VWA8: variants seen among roughly 807,000 people sequenced by gnomAD.
VWA8 encodes von Willebrand factor A domain containing 8.
In VWA8, 221 loss-of-function variants were observed where a neutral mutation model predicts 241.5. That is an observed-to-expected ratio of 0.91 (90% CI 0.82 to 1.02). The LOEUF (loss-of-function observed/expected upper bound fraction) is 1.02, where lower values mean the gene tolerates loss of function less well. Ranked by LOEUF, VWA8 falls within the 50% of genes least tolerant of loss-of-function variation. The probability of loss-of-function intolerance (pLI) is 0.00; values close to 1 mark genes in which losing one functional copy is unlikely to be tolerated. For synonymous variants in VWA8, 852 were observed against 827.1 expected (o/e 1.03, Z -0.52); for missense variants, 2,322 against 2,328.7 (o/e 1.00, Z 0.06).
chr13:41,883,606 G>A (rs760755111), intron 8 of VWA8, 115 bp from the exon 9 acceptor site: 4 of 684,828 alleles, frequency 5.8e-6, no homozygotes, highest in Non-Finnish European at 9.8e-6. Context: ...ATAGGTGTCT[G>A]GTATTTTCTG....
At chr13:41,648,130 A>C (rs1257521240) in intron 37 of VWA8, among the ~76,000 whole-genome samples, 1 of 152,214 alleles carries the variant, frequency 6.6e-6, no homozygotes, top group Non-Finnish European at 1.5e-5. Flanking sequence ...AACACAATAG[A>C]AAAATGCCTT....
intron 20 of VWA8, among the ~76,000 whole-genome samples, chr13:41,761,721 T>G (rs1212552088): frequency 6.6e-6 from 1 of 152,122 alleles, no homozygotes; most frequent in African/African-American, 2.4e-5. Context: ...CTTGGAAACC[T>G]AAACTTAAAA....
intron 2 of VWA8, among the ~76,000 whole-genome samples, chr13:41,948,151 G>A (rs888834918): frequency 2.0e-5 from 3 of 152,014 alleles, no homozygotes; most frequent in African/African-American, 7.3e-5. Flanking sequence ...CTGATGAAAG[G>A]ATAAGCAAAA....
At chr13:41,931,686 T>C (rs1290669418) in intron 2 of VWA8, among the ~76,000 whole-genome samples, 4 of 151,708 alleles carry the variant, frequency 2.6e-5, no homozygotes, top group Admixed American at 1.3e-4. Context: ...TCATGTTATA[T>C]GTTACATATA....
intron 12 of VWA8, among the ~76,000 whole-genome samples, chr13:41,852,558 C>T (rs1187195383): frequency 6.6e-6 from 1 of 152,008 alleles, no homozygotes; most frequent in African/African-American, 2.4e-5. Flanking sequence ...AAGCTTTTCC[C>T]CCTTCTTTTC....
chr13:41,675,348 A>C (rs780538990), intron 35 of VWA8, 52 bp from the exon 36 acceptor site: 17 of 1,357,246 alleles, frequency 1.3e-5, no homozygotes, highest in Non-Finnish European at 1.8e-5. Context: ...CAAGATACCA[A>C]AATGGTGCTA....
At chr13:41,571,296 GTCTCCCTCTCCCTCCTCCC>G (rs1566370775) in intron 43 of VWA8, among the ~76,000 whole-genome samples, 51 of 137,650 alleles carry the variant, frequency 3.7e-4, no homozygotes, top group African/African-American at 1.3e-3. Context: ...TCCCTCTCCC[GTCTCCCTCTCCCTCCTCCC>G]TCTCCCTCTC....
chr13:41,778,000 T>A lies in VWA8; in HGVS notation c.2334A>T (p.Leu778Phe). Reference protein sequence around the residue: ...LKDFLLGEHLLLVGNQGVGKN... With the variant: ...LKDFLLGEHLFLVGNQGVGKN... Reference sequence around the variant, plus strand: ...CATAACTCACCTGGTTGCCAACCAATAATAAGTGTTCTCCAAGGAGAAAGT... The same window carrying A: ...CATAACTCACCTGGTTGCCAACCAAAAATAAGTGTTCTCCAAGGAGAAAGT... The change falls in exon 20 of 45, where the codon TTA becomes TTT. Residue 778 changes from leucine to phenylalanine, a missense_variant. Leu to Phe is a conservative substitution (Grantham distance 22, BLOSUM62 0). Coordinates refer to ENST00000379310, the MANE Select transcript of VWA8 (RefSeq NM_015058.2). The A allele has an allele frequency of 6.2e-7, 1 of 1,611,352 alleles. No homozygotes were observed. Among genetic ancestry groups the A allele is most frequent in the Non-Finnish European group, 8.5e-7 (1 of 1,179,188 alleles).
intron 44 of VWA8, among the ~76,000 whole-genome samples, chr13:41,569,775 TG>T (rs1267195725): frequency 1.3e-5 from 2 of 152,314 alleles, no homozygotes; most frequent in East Asian, 1.9e-4. Context: ...GTTCAAGTTA[TG>T]AAAGTGTTTC....
intron 16 of VWA8, among the ~76,000 whole-genome samples, chr13:41,815,474 G>A (rs1870650555): frequency 6.6e-6 from 1 of 152,200 alleles, no homozygotes; most frequent in African/African-American, 2.4e-5. Flanking sequence ...TTGTAGGAGG[G>A]AGAAAGAGGG....
chr13:41,959,493 C>CAAAAAAAAAAAA (rs59960898), intron 1 of VWA8, among the ~76,000 whole-genome samples: 6 of 76,426 alleles, frequency 7.9e-5, no homozygotes, highest in Non-Finnish European at 1.2e-4. Context: ...TGAGAAAAAG[C>CAAAAAAAAAAAA]AAAAAAAAAA....
intron 6 of VWA8, 107 bp from the exon 7 acceptor site, chr13:41,886,937 T>C: frequency 1.1e-6 from 1 of 945,816 alleles, no homozygotes; most frequent in Non-Finnish European, 1.6e-6. Context: ...AGACACTAAA[T>C]ATTTAACAGC....
In VWA8 at chr13:41,790,943, A is replaced by G. The variant is rs182345608; in HGVS notation, c.2064-3400T>C. On this transcript the variant is annotated intron_variant, in intron 17 of 44. Transcript: ENST00000379310. ...ATATTTTAAAAATTACATTAACAAA[A>G]AAAAGCCCAACTAATATTTATAAAC... 4.1e-4 allele frequency among the ~76,000 whole-genome samples: 63 copies of G among 152,048 alleles called. No individual in the cohort carries two copies. The East Asian group carries it at 0.011, about 27-fold the overall frequency.
chr13:41,608,865 C>T (rs2044569229), intron 39 of VWA8, among the ~76,000 whole-genome samples: 1 of 152,132 alleles, frequency 6.6e-6, no homozygotes, highest in Admixed American at 6.6e-5. Flanking sequence ...GGGCTGGTAT[C>T]TAGCTTAAAA....
intron 37 of VWA8, among the ~76,000 whole-genome samples, chr13:41,655,750 T>C (rs954882009): frequency 3.3e-5 from 5 of 152,240 alleles, no homozygotes; most frequent in African/African-American, 1.2e-4. Context: ...AGACCTGTCC[T>C]GTAAAGGAAA....
intron 2 of VWA8, among the ~76,000 whole-genome samples, chr13:41,947,299 T>C (rs773410162): frequency 2.0e-5 from 3 of 152,216 alleles, no homozygotes; most frequent in Non-Finnish European, 4.4e-5. Context: ...AGCTATTCTA[T>C]ATCATGACCA....
At chr13:41,608,498 T>C (rs930597317) in intron 39 of VWA8, among the ~76,000 whole-genome samples, 1 of 152,186 alleles carries the variant, frequency 6.6e-6, no homozygotes, top group Non-Finnish European at 1.5e-5. Flanking sequence ...CTGCATTTTG[T>C]TGGCACAGTA....
At chr13:41,750,617 T>TTA (rs1367246225) in intron 21 of VWA8, among the ~76,000 whole-genome samples, 6 of 152,156 alleles carry the variant, frequency 3.9e-5, no homozygotes, top group Non-Finnish European at 8.8e-5. Flanking sequence ...GACTTTAGTA[T>TTA]AAGAGCTCAC....
chr13:41,811,201 C>T (rs750052909), intron 17 of VWA8, 24 bp downstream of exon 17: 35 of 1,569,128 alleles, frequency 2.2e-5, no homozygotes, highest in African/African-American at 4.0e-5. Flanking sequence ...GAAACTTACA[C>T]GCAGTGAGAA....
Sources: allele counts gnomAD v4.1 joint callset (sites outside exome capture counted in the v4.1 genomes callset), GRCh38; gene constraint gnomAD v4.1.1; transcripts MANE v1.5; gene names NCBI Gene and HGNC (gene_info 2026-07-23, HGNC 2026-07-21).